CNNM1: variants seen among roughly 807,000 people sequenced by gnomAD.
CNNM1 encodes cyclin and CBS domain divalent metal cation transport mediator 1, also known as metal transporter CNNM1.
In CNNM1, 44 loss-of-function variants were observed where a neutral mutation model predicts 78.8. The observed-to-expected ratio is 0.56, with a 90% confidence interval of 0.44 to 0.72. The LOEUF is 0.72. CNNM1 is among the 30% of genes least tolerant of loss of function. The pLI is 0.00. For synonymous variants in CNNM1, 584 were observed against 581.5 expected, an observed-to-expected ratio of 1.00 and a Z score of -0.06; for missense variants, 1,101 against 1,292.2, an observed-to-expected ratio of 0.85 and a Z score of 2.27.
At position 99,329,389 on chromosome 10, in the gene CNNM1, TGGCGGCGGCCGC is replaced by T. The variant is rs751684912; in HGVS notation, c.12_23del (p.AlaAlaAlaAla7_?10). 6.1e-5 allele frequency: 43 copies of T among 699,308 alleles called. No individual in the cohort carries two copies. The highest frequency in any genetic ancestry group is 5.1e-4 in the Admixed American group (14 of 27,222). 43.3% of individuals were successfully genotyped at this position (699,308 alleles called of 1,614,324 possible). ...ACGTGCAGCTGCGCTGGGTGCAGGATGGCGGCGGCCGCGGCGGCGGCAGCAGCGGTGGGTGTC... is the reference window on the plus strand; with the variant it reads ...ACGTGCAGCTGCGCTGGGTGCAGGATGGCGGCGGCAGCAGCGGTGGGTGTC... On this transcript the variant is annotated start_lost and inframe_deletion, in exon 1 of 11. Coordinates refer to ENST00000356713, the MANE Select transcript of CNNM1 (RefSeq NM_020348.3).
intron 6 of CNNM1, among the ~76,000 whole-genome samples, chr10:99,375,498 G>A (rs2031935925): frequency 6.6e-6 from 1 of 152,116 alleles, no homozygotes. Context: ...CTGAGAAGGG[G>A]GAAGACTGGA....
chr10:99,364,700 CT>C (rs2134054055), intron 5 of CNNM1, among the ~76,000 whole-genome samples, 184 bp downstream of exon 5: 1 of 151,468 alleles, frequency 6.6e-6, no homozygotes, highest in South Asian at 2.1e-4. Context: ...TCAGTTAGTG[CT>C]TAAAAAAAAA....
intron 1 of CNNM1, among the ~76,000 whole-genome samples, chr10:99,338,633 GA>G (rs933544407): frequency 6.6e-6 from 1 of 151,576 alleles, no homozygotes; most frequent in Admixed American, 6.6e-5. Flanking sequence ...AATTTATACA[GA>G]AAAAAATTTA....
intron 7 of CNNM1, among the ~76,000 whole-genome samples, chr10:99,379,045 A>G (rs576603906): frequency 6.6e-6 from 1 of 152,366 alleles, no homozygotes; most frequent in South Asian, 2.1e-4. Context: ...GCTAATGCAG[A>G]CCTTCCCCAG....
intron 1 of CNNM1, among the ~76,000 whole-genome samples, chr10:99,340,249 A>G (rs1031951885): frequency 6.6e-6 from 1 of 152,212 alleles, no homozygotes; most frequent in Non-Finnish European, 1.5e-5. Flanking sequence ...ATGCCAGGTA[A>G]CAATAGAATC....
In CNNM1 at chr10:99,364,629, A is replaced by C. The variant is rs986905457; in HGVS notation, c.2128+113A>C. ...TCTTGTTAATCAGCCTGGACAAGCC[A>C]TTTAACTTCCTTGGCTTTAGTTCCT... On this transcript the variant is annotated intron_variant, in intron 5 of 10. Transcript: ENST00000356713. The C allele has an allele frequency of 3.0e-5, 26 of 853,752 alleles. No homozygotes were observed. The South Asian group carries it at 4.5e-4, about 15-fold the overall frequency. The allele number at this position is 853,752 out of a possible 1,614,324, so 52.9% of individuals were successfully genotyped here.
At position 99,329,494 on chromosome 10, in the gene CNNM1, C is replaced by G; in HGVS notation, c.107C>G (p.Pro36Arg). 3 of 1,506,584 alleles carry G rather than the reference C, an allele frequency of 2.0e-6. No homozygotes were observed. The highest frequency in any genetic ancestry group is 1.2e-5 in the South Asian group (1 of 80,352). 93.3% of individuals were successfully genotyped at this position (1,506,584 alleles called of 1,614,324 possible). A position where few individuals can be genotyped will look rare whatever the true frequency, so the allele number is the denominator to read the frequency against. The change falls in exon 1 of 11, where the codon CCG (proline) becomes CGG (arginine). Residue 36 changes from proline to arginine, a missense_variant. This residue lies in a region of CNNM1 where 476 missense variants were observed against 484.5 expected (regional missense o/e 0.98). Coordinates refer to ENST00000356713, the MANE Select transcript of CNNM1 (RefSeq NM_020348.3). ...LLFFSLSPRPPAAAAWLLGLR... is the reference protein window; with the variant it reads ...LLFFSLSPRPRAAAAWLLGLR... ...TTCTTTTCCCTGTCTCCTCGGCCCC[C>G]GGCCGCCGCCGCCTGGCTGCTGGGC...
intron 6 of CNNM1, among the ~76,000 whole-genome samples, chr10:99,376,502 A>G (rs1488953134): frequency 6.6e-6 from 1 of 152,246 alleles, no homozygotes; most frequent in African/African-American, 2.4e-5. Context: ...GTATGGCCAC[A>G]TGAGGATTGG....
chr10:99,330,230 T>A lies in CNNM1; in HGVS notation c.843T>A (p.His281Gln). 6.5e-7 allele frequency: 1 copy of A among 1,531,158 alleles called. No homozygotes were observed. Among genetic ancestry groups the A allele is most frequent in the Non-Finnish European group, 8.8e-7 (1 of 1,141,840 alleles). The allele number at this position is 1,531,158 out of a possible 1,614,324, so 94.8% of individuals were successfully genotyped here. A position where few individuals can be genotyped will look rare whatever the true frequency, so the allele number is the denominator to read the frequency against. ...AGGCCGTTCGCGGCAGGGGGACCCA[T>A]CTGCTCTGCACCCTACTCCTGGGCC... The part of the protein sequence containing the change: ...RVQAVRGRGT[H>Q]LLCTLLLGQA... Residue 281 changes from histidine (H) to glutamine (Q), a missense_variant, in exon 1 of 11, where the codon CAT becomes CAA. His to Gln is a conservative substitution (Grantham distance 24). Coordinates refer to ENST00000356713, the MANE Select transcript of CNNM1 (RefSeq NM_020348.3).
At chr10:99,347,937 T>G (rs1048860997) in intron 1 of CNNM1, among the ~76,000 whole-genome samples, 17 of 152,202 alleles carry the variant, frequency 1.1e-4, no homozygotes, top group Middle Eastern at 6.8e-3. Context: ...ACCTGTTCTC[T>G]CACTCCCACA....
chr10:99,373,461 T>C (rs1481310273), intron 6 of CNNM1, among the ~76,000 whole-genome samples: 1 of 152,218 alleles, frequency 6.6e-6, no homozygotes, highest in African/African-American at 2.4e-5. Flanking sequence ...CCCGCTTTTC[T>C]GCAACAACTA....
At chr10:99,376,149 T>C (rs760584274) in intron 6 of CNNM1, among the ~76,000 whole-genome samples, 1 of 152,180 alleles carries the variant, frequency 6.6e-6, no homozygotes, top group Non-Finnish European at 1.5e-5. Flanking sequence ...AGTCCATCTA[T>C]ATGGGGCAAA....
chr10:99,363,191 G>C (rs555978064), intron 4 of CNNM1, among the ~76,000 whole-genome samples: 1 of 152,280 alleles, frequency 6.6e-6, no homozygotes, highest in East Asian at 1.9e-4. Flanking sequence ...AAGCTCACAT[G>C]AACTTAGAAA....
rs1419388980 is a variant in CNNM1, at chr10:99,329,761, C to T, written c.374C>T (p.Thr125Ile). ...GGCGTGGCCCCCAGCGCGGTCCCCA[C>T]TCGCCCCCCGGGACCGCAGCGCTGC... ...GGGVAPSAVP[T>I]RPPGPQRCRE... Residue 125 changes from threonine (T) to isoleucine (I), a missense_variant, in exon 1 of 11, where the codon ACT (threonine) becomes ATT (isoleucine). By Grantham distance (89) the Thr-to-Ile change is moderately conservative. Coordinates refer to ENST00000356713, the MANE Select transcript of CNNM1 (RefSeq NM_020348.3). 1 of 1,498,616 alleles carries T rather than the reference C, an allele frequency of 6.7e-7. No homozygotes were observed. The highest frequency in any genetic ancestry group is 8.8e-7 in the Non-Finnish European group (1 of 1,132,324). 92.8% of individuals were successfully genotyped at this position (1,498,616 alleles called of 1,614,324 possible). A position where few individuals can be genotyped will look rare whatever the true frequency, so the allele number is the denominator to read the frequency against.
At chr10:99,380,918 A>G (rs2032126469) in intron 7 of CNNM1, among the ~76,000 whole-genome samples, 2 of 152,242 alleles carry the variant, frequency 1.3e-5, no homozygotes, top group Non-Finnish European at 2.9e-5. Flanking sequence ...AACATGAGAT[A>G]GTTTCAGTGT....
chr10:99,390,976 C>T (rs1228872160), intron 10 of CNNM1, among the ~76,000 whole-genome samples: 1 of 152,250 alleles, frequency 6.6e-6, no homozygotes, highest in Non-Finnish European at 1.5e-5. Flanking sequence ...TGCCCCACTG[C>T]AGAAGGGAGG....
intron 1 of CNNM1, among the ~76,000 whole-genome samples, chr10:99,351,455 T>C (rs1258647155): frequency 2.0e-5 from 3 of 152,190 alleles, no homozygotes; most frequent in African/African-American, 7.2e-5. Context: ...GTGTGTTAGA[T>C]ACAAGCATTT....
intron 7 of CNNM1, among the ~76,000 whole-genome samples, chr10:99,384,998 C>T (rs1322852390): frequency 6.8e-6 from 1 of 147,814 alleles, no homozygotes; most frequent in Non-Finnish European, 1.5e-5. Flanking sequence ...ATCTGGGAGG[C>T]AAAGGTTGCA....
chr10:99,343,148 A>C (rs1411481555), intron 1 of CNNM1, among the ~76,000 whole-genome samples: 2 of 152,028 alleles, frequency 1.3e-5, no homozygotes, highest in Non-Finnish European at 2.9e-5. Flanking sequence ...TTTTTAGTAG[A>C]GATGGGGTTT....
Sources: gnomAD v4.1 joint callset for allele counts (sites outside exome capture counted in the v4.1 genomes callset) on GRCh38, gnomAD v4.1.1 for gene constraint, gnomAD v4.1.1 regional missense constraint, MANE v1.5 for transcripts, NCBI Gene and HGNC (gene_info 2026-07-23, HGNC 2026-07-21) for gene names.